The following RGS6 variants were observed in gnomAD, a reference collection of about 807,000 sequenced individuals.
RGS6 encodes regulator of G protein signaling 6.
Under a neutral mutation model 78.5 loss-of-function variants are expected in RGS6, and 30 were observed. That is an observed-to-expected ratio of 0.38 (90% CI 0.29 to 0.52). The LOEUF is 0.52. RGS6 is among the 20% of genes least tolerant of loss of function. RGS6 has a pLI of 0.85. For missense variants in RGS6, 495 were observed against 609.7 expected (o/e 0.81, Z 1.98); for synonymous variants, 206 against 206.0 (o/e 1.00, Z 0.00).
chr14:72,598,554 G>A, the RGS6 span, among the ~76,000 whole-genome samples: 28 of 152,334 alleles, frequency 1.8e-4, no homozygotes, highest in Non-Finnish European at 3.4e-4. Flanking sequence ...CCCACTCGGC[G>A]GCTGGGGACC....
intron 17 of RGS6, among the ~76,000 whole-genome samples, chr14:72,547,993 C>A (rs1460423806): frequency 1.3e-5 from 2 of 152,184 alleles, no homozygotes; most frequent in Admixed American, 6.5e-5. Flanking sequence ...AATGCCCATT[C>A]CTGCCTCCCT....
chr14:72,459,639 A>T lies in RGS6; in HGVS notation c.350A>T (p.Tyr117Phe). 3.1e-6 allele frequency: 5 copies of T among 1,614,054 alleles called. No individual in the cohort carries two copies. Among genetic ancestry groups the T allele is most frequent in the Non-Finnish European group, 4.2e-6 (5 of 1,180,020 alleles). Reference protein sequence around the residue: ...DGTFYRFQAPYFWPSNCWEPE... With the variant: ...DGTFYRFQAPFFWPSNCWEPE... ...ACCCATGCTCCTTTGCAGGCTCCGT[A>T]CTTCTGGCCTTCGAACTGCTGGGAA... Residue 117 changes from tyrosine to phenylalanine, a missense_variant, in exon 6 of 18, where the codon TAC (tyrosine) becomes TTC (phenylalanine). Tyr to Phe is a conservative substitution (Grantham distance 22). Transcript: ENST00000553525.
At chr14:71,892,284 T>C in the RGS6 span, among the ~76,000 whole-genome samples, 1 of 152,246 alleles carries the variant, frequency 6.6e-6, no homozygotes, top group African/African-American at 2.4e-5. Context: ...TTGTCTAACA[T>C]TTTCAAGCAA....
chr14:72,146,952 C>T (rs1413621500), intron 2 of RGS6, among the ~76,000 whole-genome samples: 1 of 152,230 alleles, frequency 6.6e-6, no homozygotes, highest in Non-Finnish European at 1.5e-5. Context: ...GACATAGACA[C>T]AATTCCACCA....
At chr14:72,543,023 A>G (rs762081013) in intron 17 of RGS6, among the ~76,000 whole-genome samples, 12 of 152,192 alleles carry the variant, frequency 7.9e-5, no homozygotes, top group Non-Finnish European at 1.5e-4. Context: ...GCTTCATTCC[A>G]GGTTACTCAG....
chr14:72,107,898 T>A (rs2095667644), intron 2 of RGS6, among the ~76,000 whole-genome samples: 1 of 152,220 alleles, frequency 6.6e-6, no homozygotes, highest in African/African-American at 2.4e-5. Context: ...CTAAAAAGAA[T>A]TAAAACATTT....
At chr14:72,276,138 A>G (rs2060626090) in intron 2 of RGS6, among the ~76,000 whole-genome samples, 1 of 152,200 alleles carries the variant, frequency 6.6e-6, no homozygotes, top group Non-Finnish European at 1.5e-5. Context: ...TTATGTAGAA[A>G]AGCTCATGCT....
intron 3 of RGS6, among the ~76,000 whole-genome samples, chr14:72,423,752 G>C (rs371094438): frequency 2.4e-4 from 37 of 152,304 alleles, no homozygotes; most frequent in African/African-American, 8.4e-4. Context: ...GGGATCATTT[G>C]TCTATCAAAC....
At chr14:72,507,256 AGTGATGCAT>A (rs942562659) in intron 13 of RGS6, among the ~76,000 whole-genome samples, 2 of 152,194 alleles carry the variant, frequency 1.3e-5, no homozygotes, top group African/African-American at 4.8e-5. Flanking sequence ...GAGAGAGTGC[AGTGATGCAT>A]CTGCAAGCTG....
At chr14:71,953,697 G>T (rs1194412837) in intron 1 of RGS6, among the ~76,000 whole-genome samples, 2 of 151,550 alleles carry the variant, frequency 1.3e-5, no homozygotes, top group South Asian at 4.2e-4. Flanking sequence ...ATTCAAAAGG[G>T]TCTATTTTTT....
At chr14:72,321,342 G>A (rs2071961592) in intron 2 of RGS6, among the ~76,000 whole-genome samples, 1 of 151,598 alleles carries the variant, frequency 6.6e-6, no homozygotes, top group Admixed American at 6.6e-5. Context: ...ATACTATAAA[G>A]TAAGACCAAA....
At chr14:71,938,626 C>A (rs1289772115) in intron 1 of RGS6, among the ~76,000 whole-genome samples, 3 of 152,156 alleles carry the variant, frequency 2.0e-5, no homozygotes, top group Non-Finnish European at 2.9e-5. Context: ...GCACTTGAGC[C>A]ACTTCCTCAT....
At chr14:72,569,431 G>A (rs113107383), downstream of RGS6, among the ~76,000 whole-genome samples, 5,836 of 152,120 alleles carry the variant, frequency 0.038, 330 homozygotes, top group African/African-American at 0.13. Flanking sequence ...TGTAATCCCC[G>A]CACTTTGGGA....
the RGS6 span, among the ~76,000 whole-genome samples, chr14:72,629,102 A>AT: frequency 2.6e-5 from 4 of 152,200 alleles, no homozygotes; most frequent in Admixed American, 1.3e-4. Context: ...GGAATTATTG[A>AT]TTTTTTAGCT....
At chr14:72,119,680 AAGAG>A (rs1016777678) in intron 2 of RGS6, among the ~76,000 whole-genome samples, 133 of 152,296 alleles carry the variant, frequency 8.7e-4, no homozygotes, top group African/African-American at 3.0e-3. Flanking sequence ...GAAAGAAGGA[AAGAG>A]AGAGAGAAAG....
intron 17 of RGS6, 158 bp downstream of exon 17, chr14:72,540,252 T>C: frequency 6.5e-7 from 1 of 1,541,480 alleles, no homozygotes; most frequent in Non-Finnish European, 8.6e-7. Flanking sequence ...TTTGCGAGTG[T>C]CTGCAGCTTC....
intron 1 of RGS6, among the ~76,000 whole-genome samples, chr14:71,937,496 C>T (rs1671027804): frequency 6.6e-6 from 1 of 152,188 alleles, no homozygotes; most frequent in African/African-American, 2.4e-5. Flanking sequence ...AACTCTGCCC[C>T]AGCCCTGCAA....
At chr14:72,026,071 C>T (rs1166322954) in intron 2 of RGS6, among the ~76,000 whole-genome samples, 1 of 152,084 alleles carries the variant, frequency 6.6e-6, no homozygotes, top group East Asian at 1.9e-4. Context: ...TTAGGAGAAA[C>T]CTAAGGCTAT....
At chr14:72,548,426 C>G (rs975761023) in intron 17 of RGS6, among the ~76,000 whole-genome samples, 3 of 149,822 alleles carry the variant, frequency 2.0e-5, no homozygotes, top group African/African-American at 7.4e-5. Flanking sequence ...TCCTAAAAAT[C>G]AAGTTTAAAA....
Sources: gnomAD v4.1 joint callset for allele counts (sites outside exome capture counted in the v4.1 genomes callset) on GRCh38, gnomAD v4.1.1 for gene constraint, MANE v1.5 for transcripts, NCBI Gene and HGNC (gene_info 2026-07-23, HGNC 2026-07-21) for gene names.